The following DNMT3B variants were observed in gnomAD, a reference collection of about 807,000 sequenced individuals.
The protein encoded by DNMT3B is DNA (cytosine-5)-methyltransferase 3B.
DNMT3B carries 37 observed loss-of-function variants against 120.2 expected under a neutral mutation model. That is an observed-to-expected ratio of 0.31 (90% confidence interval 0.24 to 0.40). The LOEUF (loss-of-function observed/expected upper bound fraction) is 0.40. DNMT3B is among the 10% of genes least tolerant of loss of function. The probability of loss-of-function intolerance (pLI) is 1.00; values close to 1 mark genes in which losing one functional copy is unlikely to be tolerated. For synonymous variants in DNMT3B, 412 were observed against 442.8 expected (o/e 0.93, Z 0.87); for missense variants, 878 against 1,137.3 (o/e 0.77, Z 3.28).
intron 1 of DNMT3B, among the ~76,000 whole-genome samples, chr20:32,777,261 A>C (rs1190176575): frequency 6.6e-6 from 1 of 151,828 alleles, no homozygotes; most frequent in Non-Finnish European, 1.5e-5. Flanking sequence ...CTGAATGTTG[A>C]GATATGGGTT....
chr20:32,773,200 G>C (rs1029150252), intron 1 of DNMT3B, among the ~76,000 whole-genome samples: 1 of 151,208 alleles, frequency 6.6e-6, no homozygotes, highest in Non-Finnish European at 1.5e-5. Context: ...TCCACCTCCC[G>C]GGTTCAAGCG....
At position 32,792,036 on chromosome 20, in the gene DNMT3B, G is replaced by T. The variant is rs117339759; in HGVS notation, c.921+328G>T. ...GAGGGTTGGAGTTCACAGCAAGACA[G>T]CAGTGGAGGCCAGCTGTCTTCTATC... On this transcript the variant is annotated intron_variant, in intron 8 of 22. Coordinates refer to ENST00000328111, the MANE Select transcript of DNMT3B (RefSeq NM_006892.4). 7.7e-4 allele frequency among the ~76,000 whole-genome samples: 118 copies of T among 152,298 alleles called. No homozygotes were observed. The East Asian group carries it at 0.015, about 20-fold the overall frequency.
chr20:32,763,377 C>T lies in DNMT3B; in HGVS notation c.-7+678C>T, dbSNP rs1209728221. On this transcript the variant is annotated intron_variant, in intron 1 of 22. Coordinates refer to ENST00000328111, the MANE Select transcript of DNMT3B (RefSeq NM_006892.4). Reference sequence around the variant, plus strand: ...CTGAGCCATCAAGCGCGGGGAGCAGCGGGGCTGCCCTCTGCCTGTGCACAC... The same window carrying T: ...CTGAGCCATCAAGCGCGGGGAGCAGTGGGGCTGCCCTCTGCCTGTGCACAC... Among the ~76,000 whole-genome samples the T allele has an allele frequency of 2.6e-5, 4 of 152,192 alleles. No individual in the cohort carries two copies. In the East Asian group the frequency reaches 7.7e-4, roughly 29 times the overall value.
At chr20:32,783,418 CT>C (rs1327567687) in intron 3 of DNMT3B, among the ~76,000 whole-genome samples, 2 of 152,158 alleles carry the variant, frequency 1.3e-5, no homozygotes, top group Non-Finnish European at 2.9e-5. Flanking sequence ...TCTTTCCCAT[CT>C]TGTTTTGTGT....
chr20:32,800,729 A>G (rs1441707498), intron 17 of DNMT3B, 106 bp from the exon 18 acceptor site: 8 of 1,268,248 alleles, frequency 6.3e-6, no homozygotes, highest in Non-Finnish European at 9.2e-6. Flanking sequence ...TCCTGGGATT[A>G]CAGGTGTGAG....
intron 1 of DNMT3B, among the ~76,000 whole-genome samples, chr20:32,774,055 T>C (rs2424909): frequency 0.57 from 85,886 of 150,202 alleles, 27,918 homozygotes; most frequent in East Asian, 0.92. Context: ...TGTTCTGTCA[T>C]GTGTTCTGCT....
intron 20 of DNMT3B, among the ~76,000 whole-genome samples, chr20:32,804,086 C>A (rs980374840): frequency 3.3e-5 from 5 of 152,136 alleles, no homozygotes; most frequent in Admixed American, 1.3e-4. Flanking sequence ...TGTGACTTAG[C>A]AAGGACGGAT....
chr20:32,790,089 T>C (rs1979791406), intron 7 of DNMT3B, among the ~76,000 whole-genome samples: 1 of 152,358 alleles, frequency 6.6e-6, no homozygotes, highest in East Asian at 1.9e-4. Flanking sequence ...GATTCTGTTT[T>C]TCCCAGGAAT....
intron 13 of DNMT3B, 113 bp from the exon 14 acceptor site, chr20:32,797,074 C>T (rs6057648): frequency 6.2e-7 from 1 of 1,604,496 alleles, no homozygotes. Flanking sequence ...TAAAGGACAC[C>T]AAGCCACCAG....
chr20:32,768,835 G>A (rs1987546245), intron 1 of DNMT3B, among the ~76,000 whole-genome samples: 1 of 152,148 alleles, frequency 6.6e-6, no homozygotes, highest in African/African-American at 2.4e-5. Flanking sequence ...TCTGGGAGTT[G>A]TTTGGCACCA....
At chr20:32,790,277 A>T (rs976645634) in intron 7 of DNMT3B, among the ~76,000 whole-genome samples, 1 of 152,194 alleles carries the variant, frequency 6.6e-6, no homozygotes, top group African/African-American at 2.4e-5. Context: ...GCTTCCAGGG[A>T]TGGGAGAGCA....
chr20:32,802,347 T>C, intron 19 of DNMT3B, 38 bp from the exon 20 acceptor site: 1 of 1,605,606 alleles, frequency 6.2e-7, no homozygotes, highest in Non-Finnish European at 8.5e-7. Flanking sequence ...GAAACTCTAA[T>C]AATAGGCTCC....
intron 17 of DNMT3B, 89 bp from the exon 18 acceptor site, chr20:32,800,746 C>T (rs1482402864): frequency 8.3e-6 from 12 of 1,438,190 alleles, no homozygotes; most frequent in Non-Finnish European, 9.8e-6. Context: ...TGAGCCACCT[C>T]GTCCAGCCCC....
intron 20 of DNMT3B, among the ~76,000 whole-genome samples, chr20:32,803,915 T>C (rs1304859998): frequency 1.3e-5 from 2 of 152,128 alleles, no homozygotes; most frequent in African/African-American, 2.4e-5. Context: ...GGGTGGATTA[T>C]AGACAATAAC....
At chr20:32,802,703 C>G (rs997955209) in intron 20 of DNMT3B, among the ~76,000 whole-genome samples, 1 of 152,144 alleles carries the variant, frequency 6.6e-6, no homozygotes, top group Non-Finnish European at 1.5e-5. Flanking sequence ...GGACCTGATC[C>G]TAAAAGTCCC....
chr20:32,800,757 A>G (rs1206076009), intron 17 of DNMT3B, 78 bp from the exon 18 acceptor site: 2 of 1,502,998 alleles, frequency 1.3e-6, no homozygotes, highest in Non-Finnish European at 1.9e-6. Context: ...GTCCAGCCCC[A>G]CGCAAGATTC....
chr20:32,769,590 G>T (rs924396389), intron 1 of DNMT3B, among the ~76,000 whole-genome samples: 2 of 152,120 alleles, frequency 1.3e-5, no homozygotes, highest in African/African-American at 4.8e-5. Flanking sequence ...TTGAAAAGTG[G>T]TTTTTATGTG....
At chr20:32,775,426 G>A (rs1176842011) in intron 1 of DNMT3B, among the ~76,000 whole-genome samples, 2 of 152,214 alleles carry the variant, frequency 1.3e-5, no homozygotes, top group Admixed American at 1.3e-4. Flanking sequence ...CTGGGTTGGG[G>A]CGAGTCCCTG....
intron 1 of DNMT3B, among the ~76,000 whole-genome samples, chr20:32,769,760 A>T (rs1001536042): frequency 5.3e-5 from 8 of 151,450 alleles, no homozygotes; most frequent in African/African-American, 1.9e-4. Flanking sequence ...CATTATTATT[A>T]TTTTTGAGAC....
Sources: allele counts gnomAD v4.1 joint callset (sites outside exome capture counted in the v4.1 genomes callset), GRCh38; gene constraint gnomAD v4.1.1; transcripts MANE v1.5; gene names NCBI Gene and HGNC (gene_info 2026-07-23, HGNC 2026-07-21).